LARP4B: variants seen among roughly 807,000 people sequenced by gnomAD.
LARP4B encodes la-related protein 4B.
LARP4B carries 12 observed loss-of-function variants against 89.8 expected under a neutral mutation model. The ratio of observed to expected loss-of-function variants is 0.13; its 90% CI spans 0.09 to 0.22. The LOEUF is 0.22. Among genes scored for constraint, LARP4B ranks in the 10% least tolerant of loss-of-function variants. The pLI is 1.00. For missense variants in LARP4B, 757 were observed against 947.7 expected (o/e 0.80, Z 2.64); for synonymous variants, 367 against 363.3 (o/e 1.01, Z -0.12).
chr10:911,795 C>T (rs551477501), intron 1 of LARP4B, among the ~76,000 whole-genome samples: 16 of 152,114 alleles, frequency 1.1e-4, no homozygotes, highest in Non-Finnish European at 1.6e-4. Flanking sequence ...TCGTGGTTTT[C>T]GGGGGCTTTC....
At chr10:833,361 C>T (rs938480052) in intron 8 of LARP4B, among the ~76,000 whole-genome samples, 7 of 150,442 alleles carry the variant, frequency 4.7e-5, no homozygotes, top group Middle Eastern at 3.5e-3. Context: ...ATGCCGCCCA[C>T]GGGCTGAAGA....
intron 1 of LARP4B, among the ~76,000 whole-genome samples, 155 bp downstream of exon 1, chr10:931,273 G>A (rs993906919): frequency 1.8e-4 from 27 of 149,100 alleles, no homozygotes; most frequent in African/African-American, 6.1e-4. Context: ...ACCCGGCCCC[G>A]GCCTTCCCCT....
intron 1 of LARP4B, among the ~76,000 whole-genome samples, chr10:910,002 T>C (rs924510340): frequency 6.6e-6 from 1 of 152,144 alleles, no homozygotes; most frequent in Non-Finnish European, 1.5e-5. Context: ...ATGTGAGGTA[T>C]GCAGGCCCAG....
rs540940646 is a variant in LARP4B, at chr10:903,874, C to T, written c.-39-18114G>A. Among the ~76,000 whole-genome samples the T allele has an allele frequency of 3.9e-5, 6 of 152,198 alleles. No homozygotes were observed. In the East Asian group the frequency reaches 7.7e-4, roughly 20 times the overall value. ...AAAATGTCAGAGCTGGGAAGCAGCT[C>T]GGAGCTGCTTTAATCCTGTGCGGCT... On this transcript the variant is annotated intron_variant, in intron 1 of 17. Coordinates refer to ENST00000316157, the MANE Select transcript of LARP4B (RefSeq NM_015155.3).
rs1440412606 is a variant in LARP4B at position 872,724 on chromosome 10, GCTC to G, written c.142-8457_142-8455del. ...GAAGGCACCAGCACACATGAGAAAAGCTCCTCATCTTCCCAACAACCTTGTCGG... is the reference window on the plus strand; with the variant it reads ...GAAGGCACCAGCACACATGAGAAAAGCTCATCTTCCCAACAACCTTGTCGG... On this transcript the variant is annotated intron_variant, in intron 3 of 17. Transcript: ENST00000316157. 6.6e-5 allele frequency among the ~76,000 whole-genome samples: 10 copies of G among 152,284 alleles called. No individual in the cohort carries two copies. The East Asian group carries it at 1.7e-3, about 26-fold the overall frequency.
the LARP4B span, among the ~76,000 whole-genome samples, chr10:970,314 T>C: frequency 1.3e-5 from 2 of 152,240 alleles, no homozygotes; most frequent in South Asian, 4.1e-4. Flanking sequence ...AGAGTGCTTT[T>C]GGAAGCCGGA....
intron 1 of LARP4B, among the ~76,000 whole-genome samples, chr10:915,033 A>C (rs1836781871): frequency 6.6e-6 from 1 of 152,230 alleles, no homozygotes; most frequent in Admixed American, 6.5e-5. Flanking sequence ...CCCCTGTGTC[A>C]GAACAGCAGA....
chr10:974,400 C>G, the LARP4B span, among the ~76,000 whole-genome samples: 7 of 152,188 alleles, frequency 4.6e-5, no homozygotes, highest in African/African-American at 1.7e-4. Flanking sequence ...TCCCAGGGAG[C>G]CTTACCGTGG....
chr10:822,358 G>C lies in LARP4B; in HGVS notation c.1485-1513C>G, dbSNP rs1832397562. On this transcript the variant is annotated intron_variant, in intron 13 of 17. Coordinates refer to ENST00000316157, the MANE Select transcript of LARP4B (RefSeq NM_015155.3). This position sits in a 1 kb window ranked among gnomAD's most constrained non-coding sequence, Gnocchi z 4.6. Reference sequence around the variant, plus strand: ...AGGACATCCCGCAGGGCTCGGCACAGGGCATCCCTCCGCCAAGGGCAGCCT... The same window carrying C: ...AGGACATCCCGCAGGGCTCGGCACACGGCATCCCTCCGCCAAGGGCAGCCT... Among the ~76,000 whole-genome samples, 2 of 152,236 alleles carry C rather than the reference G, an allele frequency of 1.3e-5. No individual in the cohort carries two copies. Among genetic ancestry groups the C allele is most frequent in the South Asian group, 4.1e-4 (2 of 4,836 alleles).
At position 814,656 on chromosome 10, in the gene LARP4B, A is replaced by C; in HGVS notation, c.1929+86T>G. ...ACCCACCAAATTAGATGTGATTAAA[A>C]AACGAGCAGGTGCAGGAGTGCGCAG... On this transcript the variant is annotated intron_variant, in intron 17 of 17. Coordinates refer to ENST00000316157, the MANE Select transcript of LARP4B (RefSeq NM_015155.3). This position sits in a 1 kb window ranked among gnomAD's most constrained non-coding sequence, Gnocchi z 4.4. 3 of 1,551,558 alleles carry C rather than the reference A, an allele frequency of 1.9e-6. No homozygotes were observed. The highest frequency in any genetic ancestry group is 1.7e-6 in the Non-Finnish European group (2 of 1,147,078).
the LARP4B span, among the ~76,000 whole-genome samples, chr10:962,980 A>G: frequency 2.6e-5 from 4 of 152,012 alleles, no homozygotes; most frequent in African/African-American, 9.7e-5. Flanking sequence ...ACGTGCACAG[A>G]ATTCTGACCT....
intron 14 of LARP4B, chr10:819,084 A>G (rs1438313537): frequency 6.6e-6 from 1 of 152,224 alleles, no homozygotes; most frequent in Non-Finnish European, 1.5e-5. Context: ...TGGCTGTTGT[A>G]TGCTCTCTGT....
chr10:878,230 A>T (rs1835532147), intron 3 of LARP4B, among the ~76,000 whole-genome samples: 1 of 152,212 alleles, frequency 6.6e-6, no homozygotes, highest in Non-Finnish European at 1.5e-5. Context: ...GCTAACTGTG[A>T]TGTTGAGCAC....
chr10:921,723 T>C (rs1187709280), intron 1 of LARP4B, among the ~76,000 whole-genome samples: 1 of 152,196 alleles, frequency 6.6e-6, no homozygotes, highest in East Asian at 1.9e-4. Context: ...ACAGTTTATT[T>C]GGCAATTCTA....
rs1053941064 is a variant in LARP4B, at chr10:887,336, A to G, written c.-39-1576T>C. Among the ~76,000 whole-genome samples the G allele has an allele frequency of 2.0e-5, 3 of 152,004 alleles. No homozygotes were observed. In the South Asian group the frequency reaches 6.2e-4, roughly 32 times the overall value. On this transcript the variant is annotated intron_variant, in intron 1 of 17. Transcript: ENST00000316157. ...TAAAACTATATGAAATGATGGCTAT[A>G]TTAATGGGCTGGACTCCAGTAACCA...
chr10:814,977 C>G lies in LARP4B; in HGVS notation c.1789G>C (p.Glu597Gln). The G allele has an allele frequency of 6.2e-7, 1 of 1,606,084 alleles. No individual in the cohort carries two copies. Among genetic ancestry groups the G allele is most frequent in the Non-Finnish European group, 8.5e-7 (1 of 1,175,110 alleles). Residue 597 changes from glutamate to glutamine, a missense_variant, in exon 16 of 18, where the codon GAG becomes CAG. Around this residue, in one of 5 missense-constraint regions of LARP4B, gnomAD observed 387 missense variants for 423.6 expected, o/e 0.91. Coordinates refer to ENST00000316157, the MANE Select transcript of LARP4B (RefSeq NM_015155.3). The surrounding 1 kb of genome is among the most constrained non-coding windows in gnomAD (Gnocchi z 4.4). ...PASCAVSATY[E>Q]RSPSPAHLPD... ...AAATGAGCTGGGGAGGGGGATCGCT[C>G]GTACGTTGCTGATACAGCACAAGAA... is the stretch of plus-strand genomic sequence containing the variant.
At chr10:873,375 C>T (rs1336922639) in intron 3 of LARP4B, 2 of 985,230 alleles carry the variant, frequency 2.0e-6, no homozygotes, top group Middle Eastern at 5.2e-4. Flanking sequence ...GACCAGGATC[C>T]AAAAGCTCAG....
chr10:950,077 T>G, the LARP4B span, among the ~76,000 whole-genome samples: 1 of 152,310 alleles, frequency 6.6e-6, no homozygotes, highest in Admixed American at 6.5e-5. Context: ...TGCCTGGCCT[T>G]AGCTTTTTTT....
chr10:904,558 C>CAAAATA (rs548560806), intron 1 of LARP4B, among the ~76,000 whole-genome samples: 10 of 149,558 alleles, frequency 6.7e-5, no homozygotes, highest in Non-Finnish European at 8.9e-5. Context: ...AAGACTGTCT[C>CAAAATA]AAAATAAAAA....
Sources: gnomAD v4.1 joint callset for allele counts (sites outside exome capture counted in the v4.1 genomes callset) on GRCh38, gnomAD v4.1.1 for gene constraint, gnomAD v4.1.1 regional missense constraint, Gnocchi (gnomAD v3.1) non-coding constraint, MANE v1.5 for transcripts, NCBI Gene and HGNC (gene_info 2026-07-23, HGNC 2026-07-21) for gene names.